Variants in PPFIBP2 observed in about 807,000 individuals in gnomAD.
PPFIBP2 encodes the protein PPFIB scaffold protein 2.
Under a neutral mutation model 118.3 loss-of-function variants are expected in PPFIBP2, and 118 were observed. That is an observed-to-expected ratio of 1.00 (90% CI 0.86 to 1.16). PPFIBP2 has a LOEUF of 1.16. PPFIBP2 is among the 50% of genes most tolerant of loss of function. PPFIBP2 has a pLI of 0.00. For missense variants in PPFIBP2, 1,195 were observed against 1,073.1 expected (o/e 1.11, Z -1.59); for synonymous variants, 414 against 397.4 (o/e 1.04, Z -0.50).
chr11:7,537,397 G>A lies in PPFIBP2; in HGVS notation c.-36-12043G>A, dbSNP rs1223566812. Among the ~76,000 whole-genome samples, 7 of 152,238 alleles carry A rather than the reference G, an allele frequency of 4.6e-5. No homozygotes were observed. The East Asian group carries it at 1.2e-3, about 25-fold the overall frequency. On this transcript the variant is annotated intron_variant, in intron 1 of 23. Coordinates refer to ENST00000299492, the MANE Select transcript of PPFIBP2 (RefSeq NM_003621.5). Reference sequence around the variant, plus strand: ...GACAGGAAACCTGTGAACTCCCAGAGCAGGTGGTTTTTACACACAGGTGGA... The same window carrying A: ...GACAGGAAACCTGTGAACTCCCAGAACAGGTGGTTTTTACACACAGGTGGA...
intron 4 of PPFIBP2, 113 bp downstream of exon 4, chr11:7,593,337 A>G (rs144307899): frequency 4.2e-6 from 6 of 1,421,152 alleles, no homozygotes; most frequent in East Asian, 2.5e-5. Flanking sequence ...TCTCCTTCCA[A>G]TGCCTATGTT....
At position 7,610,332 on chromosome 11, in the gene PPFIBP2, T is replaced by G; in HGVS notation, c.528T>G (p.Asp176Glu). 6.2e-7 allele frequency: 1 copy of G among 1,614,162 alleles called. No homozygotes were observed. Among genetic ancestry groups the G allele is most frequent in the Non-Finnish European group, 8.5e-7 (1 of 1,179,992 alleles). Residue 176 changes from aspartate to glutamate, a missense_variant, in exon 6 of 24, where the codon GAT becomes GAG. Transcript: ENST00000299492. ...SRTSLETQKL[D>E]LMTEVSELKL... ...CATCTCTTGAGACCCAGAAGCTCGA[T>G]CTGATGACTGAAGTGTCTGAGCTGA...
intron 11 of PPFIBP2, 34 bp from the exon 12 acceptor site, chr11:7,632,833 G>A (rs763397122): frequency 1.3e-6 from 2 of 1,562,676 alleles, no homozygotes; most frequent in Admixed American, 1.7e-5. Flanking sequence ...CAAACAGACT[G>A]TCCTCTACCG....
intron 2 of PPFIBP2, among the ~76,000 whole-genome samples, chr11:7,564,456 G>C (rs1470071886): frequency 6.6e-6 from 1 of 152,312 alleles, no homozygotes; most frequent in South Asian, 2.1e-4. Flanking sequence ...AGAGCATATA[G>C]AGATATATAG....
At chr11:7,612,141 G>A (rs35591472) in intron 6 of PPFIBP2, among the ~76,000 whole-genome samples, 17,950 of 152,126 alleles carry the variant, frequency 0.12, 1,277 homozygotes, top group African/African-American at 0.19. Context: ...GACTAGATCC[G>A]GGTAATCTCA....
At chr11:7,665,992 G>T in the PPFIBP2 span, 1 of 1,301,822 alleles carries the variant, frequency 7.7e-7, no homozygotes, top group Non-Finnish European at 1.1e-6. Context: ...CGCCTGTGGG[G>T]TGCTCTGTGC....
intron 5 of PPFIBP2, among the ~76,000 whole-genome samples, chr11:7,603,410 A>G (rs890141376): frequency 6.6e-6 from 1 of 152,234 alleles, no homozygotes; most frequent in Admixed American, 6.5e-5. Context: ...TCTTCTCTGC[A>G]CAGTGTTACT....
downstream of PPFIBP2, chr11:7,653,787 T>TG (rs36088820): frequency 0.21 from 250,498 of 1,194,074 alleles, 26,647 homozygotes; most frequent in African/African-American, 0.23. Context: ...TTAACTTTGT[T>TG]GGGGAAAAAG....
At chr11:7,602,746 C>T (rs138941974) in intron 5 of PPFIBP2, among the ~76,000 whole-genome samples, 36 of 152,298 alleles carry the variant, frequency 2.4e-4, no homozygotes, top group African/African-American at 7.5e-4. Flanking sequence ...TCCTCCCTAC[C>T]GACCCAGAGC....
intron 6 of PPFIBP2, among the ~76,000 whole-genome samples, chr11:7,615,002 A>G (rs1400415994): frequency 2.0e-5 from 3 of 152,172 alleles, no homozygotes; most frequent in Non-Finnish European, 4.4e-5. Flanking sequence ...TGGGAGGGAA[A>G]CAGACCTGTT....
rs780262860 is a variant in PPFIBP2, at chr11:7,648,516, C to T, written c.1776C>T (p.Ala592=). ...CTTCTGGCCACACCTTATTGACAGC[C>T]ACCCCTCAGGACATGGAAAAGGTAA... ...WVSSGHTLLT[A]TPQDMEKELG... is the part of the protein sequence containing the mutation. Residue 592 remains alanine (A), a synonymous_variant, in exon 18 of 24, where the codon GCC becomes GCT. Coordinates refer to ENST00000299492, the MANE Select transcript of PPFIBP2 (RefSeq NM_003621.5). 3.7e-6 allele frequency: 6 copies of T among 1,614,106 alleles called. No homozygotes were observed. Among genetic ancestry groups the T allele is most frequent in the Non-Finnish European group, 4.2e-6 (5 of 1,180,032 alleles).
At chr11:7,623,061 G>A (rs1849543572) in intron 7 of PPFIBP2, among the ~76,000 whole-genome samples, 1 of 152,094 alleles carries the variant, frequency 6.6e-6, no homozygotes, top group Admixed American at 6.6e-5. Flanking sequence ...TCACTTGACT[G>A]GGAAGGAAAC....
In PPFIBP2 at chr11:7,642,350, G is replaced by A; in HGVS notation, c.1570G>A (p.Glu524Lys). The change falls in exon 17 of 24, where the codon GAG (glutamate) becomes AAG (lysine). Residue 524 changes from glutamate (E) to lysine (K), a missense_variant. Coordinates refer to ENST00000299492, the MANE Select transcript of PPFIBP2 (RefSeq NM_003621.5). ...NFYTDTLGMA[E>K]FRRGGLRATA... ...CTACACTGACACGCTGGGGATGGCA[G>A]AGTTTCGACGAGGTGGGCTCCGGGC... 6.2e-7 allele frequency: 1 copy of A among 1,614,194 alleles called. No individual in the cohort carries two copies. Among genetic ancestry groups the A allele is most frequent in the Non-Finnish European group, 8.5e-7 (1 of 1,180,030 alleles).
intron 2 of PPFIBP2, among the ~76,000 whole-genome samples, chr11:7,563,540 T>G (rs969832023): frequency 5.9e-5 from 9 of 152,168 alleles, no homozygotes; most frequent in Non-Finnish European, 1.0e-4. Flanking sequence ...TGTGGATTTC[T>G]GCCTGGCAAG....
Position 7,549,524 on chromosome 11 carries a change from G to C in PPFIBP2, c.49G>C (p.Asp17His). 6.4e-7 allele frequency: 1 copy of C among 1,563,890 alleles called. No homozygotes were observed. Among genetic ancestry groups the C allele is most frequent in the East Asian group, 2.4e-5 (1 of 41,632 alleles). ...HALEAALEQM[D>H]GIIAGTKTGA... ...GCTGGAAGCTGCCCTGGAGCAAATG[G>C]ACGGGATCATTGCAGGTACGCCCAG... Residue 17 changes from aspartate to histidine, a missense_variant, in exon 2 of 24, where the codon GAC (aspartate) becomes CAC (histidine). Asp to His is a moderately conservative substitution (Grantham distance 81, BLOSUM62 -1). Transcript: ENST00000299492.
At chr11:7,521,366 G>C (rs1327891685) in intron 1 of PPFIBP2, among the ~76,000 whole-genome samples, 1 of 152,196 alleles carries the variant, frequency 6.6e-6, no homozygotes, top group Non-Finnish European at 1.5e-5. Flanking sequence ...TCTCTACAGT[G>C]GTGGGCCCTA....
chr11:7,610,009 A>G (rs1847870782), intron 5 of PPFIBP2, among the ~76,000 whole-genome samples: 1 of 152,240 alleles, frequency 6.6e-6, no homozygotes, highest in South Asian at 2.1e-4. Flanking sequence ...TTTTCTCTAC[A>G]TGGAAATAAT....
chr11:7,660,985 G>C (rs571626875), downstream of PPFIBP2, among the ~76,000 whole-genome samples: 8 of 151,968 alleles, frequency 5.3e-5, no homozygotes, highest in South Asian at 1.2e-3. Context: ...TGTGGGATCG[G>C]TGGTGATATC....
At chr11:7,623,325 A>C (rs892255872) in intron 7 of PPFIBP2, among the ~76,000 whole-genome samples, 1 of 152,180 alleles carries the variant, frequency 6.6e-6, no homozygotes, top group East Asian at 1.9e-4. Context: ...TCTCTGCCCA[A>C]CTGCCTGTCT....
Sources: allele counts gnomAD v4.1 joint callset (sites outside exome capture counted in the v4.1 genomes callset), GRCh38; gene constraint gnomAD v4.1.1; transcripts MANE v1.5; gene names NCBI Gene and HGNC (gene_info 2026-07-23, HGNC 2026-07-21).